SHMT1: variants seen among roughly 807,000 people sequenced by gnomAD.
SHMT1 encodes the protein serine hydroxymethyltransferase, cytosolic.
Under a neutral mutation model 49.0 loss-of-function variants are expected in SHMT1, and 45 were observed. That is an observed-to-expected ratio of 0.92 (90% confidence interval 0.72 to 1.18). SHMT1 has a LOEUF of 1.18. Among genes scored for constraint, SHMT1 ranks in the 50% most tolerant of loss-of-function variants. SHMT1 has a pLI of 0.00. For missense variants in SHMT1, 541 were observed against 612.4 expected (o/e 0.88, Z 1.23); for synonymous variants, 232 against 246.6 (o/e 0.94, Z 0.55).
Position 18,340,699 on chromosome 17 carries a change from G to A in SHMT1, c.601+33C>T, listed in dbSNP as rs2151579834. 2 of 1,584,150 alleles carry A rather than the reference G, an allele frequency of 1.3e-6. No individual in the cohort carries two copies. The highest frequency in any genetic ancestry group is 1.7e-4 in the Middle Eastern group (1 of 6,022). ...TTCTGTAAGAGGCACCAGGCTACTG[G>A]TGAACAAGGTGACTTTCCGCCCCGC... On this transcript the variant is annotated intron_variant, in intron 6 of 11. Coordinates refer to ENST00000316694, the MANE Select transcript of SHMT1 (RefSeq NM_004169.5). The surrounding 1 kb of genome is among the most constrained non-coding windows in gnomAD (Gnocchi z 4.5).
chr17:18,341,779 T>G (rs750543126), intron 5 of SHMT1: 1 of 152,284 alleles, frequency 6.6e-6, no homozygotes, highest in African/African-American at 2.4e-5. Flanking sequence ...TTGTGTATTT[T>G]GTGTCACAAA....
chr17:18,333,454 TTTTATTA>T lies in SHMT1; in HGVS notation c.932-173_932-167del, dbSNP rs918529718. 1.5e-4 allele frequency: 56 copies of T among 366,710 alleles called. 1 individual carries two copies. Among genetic ancestry groups the T allele is most frequent in the Non-Finnish European group, 2.1e-4 (48 of 223,768 alleles). 22.7% of individuals were successfully genotyped at this position (366,710 alleles called of 1,614,324 possible). ...CCAAAATGATATATTTTTAAAAATT[TTTTATTA>T]TTTATTATTTTTATTTTTTTTGAGA... On this transcript the variant is annotated intron_variant, in intron 8 of 11. Coordinates refer to ENST00000316694, the MANE Select transcript of SHMT1 (RefSeq NM_004169.5).
intron 7 of SHMT1, among the ~76,000 whole-genome samples, chr17:18,336,737 G>C (rs1477334498): frequency 6.6e-6 from 1 of 152,032 alleles, no homozygotes; most frequent in African/African-American, 2.4e-5. Flanking sequence ...TTGAACCCAG[G>C]AGTTCAAGAC....
chr17:18,334,447 C>G (rs577234821), intron 8 of SHMT1, among the ~76,000 whole-genome samples: 4 of 152,318 alleles, frequency 2.6e-5, no homozygotes, highest in Non-Finnish European at 4.4e-5. Flanking sequence ...CATGGAAGTT[C>G]TGTGCTAACA....
Position 18,329,328 on chromosome 17 carries a change from C to T in SHMT1, c.1232G>A (p.Arg411His), listed in dbSNP as rs1397919214. ...LRLGTPALTS[R>H]GLLEKDFQKV... ...TTGGAAGTCTTTTTCCAAAAGTCCA[C>T]GGGACGTCAGTGCTGGGGTCCCCAG... The change falls in exon 11 of 12, where the codon CGT becomes CAT. Residue 411 changes from arginine (R) to histidine (H), a missense_variant. By Grantham distance (29) the Arg-to-His change is conservative. Transcript: ENST00000316694. 9.9e-6 allele frequency: 16 copies of T among 1,612,998 alleles called. No homozygotes were observed. The highest frequency in any genetic ancestry group is 5.0e-5 in the Admixed American group (3 of 59,996).
At chr17:18,335,852 C>G (rs1269454994) in intron 7 of SHMT1, among the ~76,000 whole-genome samples, 177 bp from the exon 8 acceptor site, 1 of 152,148 alleles carries the variant, frequency 6.6e-6, no homozygotes. Context: ...TGAGGGCAGA[C>G]CAGTATCTTT....
intron 1 of SHMT1, 180 bp downstream of exon 1, chr17:18,363,191 TG>T (rs1046521746): frequency 6.6e-6 from 1 of 152,188 alleles, no homozygotes; most frequent in African/African-American, 2.4e-5. Flanking sequence ...GCGCTGCGGC[TG>T]GCCGCCGCCC....
At position 18,331,296 on chromosome 17, in the gene SHMT1, C is replaced by T. The variant is rs981755503; in HGVS notation, c.1055-625G>A. On this transcript the variant is annotated intron_variant, in intron 9 of 11. Transcript: ENST00000316694. ...GGGCCTCTGCTTCTGAGCTGTGTTG[C>T]GGGGATCCCTTTCAAGATGCGGGTG... is the stretch of plus-strand genomic sequence containing the variant. 4 of 166,930 alleles carry T rather than the reference C, an allele frequency of 2.4e-5. No individual in the cohort carries two copies. The South Asian group carries it at 4.6e-4, about 19-fold the overall frequency. The allele number at this position is 166,930 out of a possible 1,614,324, so 10.3% of individuals were successfully genotyped here. A position where few individuals can be genotyped will look rare whatever the true frequency, so the allele number is the denominator to read the frequency against.
intron 1 of SHMT1, among the ~76,000 whole-genome samples, chr17:18,358,327 T>C (rs1041101203): frequency 1.3e-5 from 2 of 150,664 alleles, no homozygotes; most frequent in Non-Finnish European, 3.0e-5. Context: ...CCATCTCTAC[T>C]AAAAATACAA....
chr17:18,351,284 G>T (rs1184979942), intron 3 of SHMT1, among the ~76,000 whole-genome samples: 1 of 151,964 alleles, frequency 6.6e-6, no homozygotes, highest in Non-Finnish European at 1.5e-5. Context: ...GGGACTACAG[G>T]CGCCAGCCAC....
intron 1 of SHMT1, chr17:18,362,973 C>T (rs999771442): frequency 6.6e-6 from 1 of 152,350 alleles, no homozygotes; most frequent in Non-Finnish European, 1.5e-5. Flanking sequence ...CTCAGGGCCC[C>T]ACCACCTTCC....
intron 2 of SHMT1, among the ~76,000 whole-genome samples, 190 bp downstream of exon 2, chr17:18,355,696 A>G (rs1266395181): frequency 6.6e-6 from 1 of 152,188 alleles, no homozygotes; most frequent in Non-Finnish European, 1.5e-5. Flanking sequence ...AGTGCTCCAC[A>G]CTTTGAAGAA....
intron 3 of SHMT1, among the ~76,000 whole-genome samples, chr17:18,352,146 C>T (rs1246957901): frequency 2.1e-5 from 2 of 93,728 alleles, no homozygotes; most frequent in Admixed American, 1.1e-4. Context: ...CACTCAGTCC[C>T]CTTCTTTTTT....
intron 5 of SHMT1, among the ~76,000 whole-genome samples, chr17:18,342,887 G>T (rs1984671645): frequency 6.6e-6 from 1 of 151,726 alleles, no homozygotes; most frequent in African/African-American, 2.4e-5. Context: ...AGTGAGTCAA[G>T]ATGGTGCCAC....
At chr17:18,353,062 T>G (rs1485659217) in intron 3 of SHMT1, among the ~76,000 whole-genome samples, 9 of 152,226 alleles carry the variant, frequency 5.9e-5, no homozygotes, top group Non-Finnish European at 1.0e-4. Flanking sequence ...TGGCAATTCC[T>G]TCTCCAAGGG....
rs1983566144 is a variant in SHMT1, at chr17:18,334,365, AG to A, written c.932-1078del. Among the ~76,000 whole-genome samples, 4 of 152,334 alleles carry A rather than the reference AG, an allele frequency of 2.6e-5. No individual in the cohort carries two copies. The South Asian group carries it at 8.3e-4, about 32-fold the overall frequency. On this transcript the variant is annotated intron_variant, in intron 8 of 11. Transcript: ENST00000316694. ...CAGCCTCCCAAAGTGCTGGGATTAT[AG>A]GCATGAGCCACCGCGCCCAGCTGAT...
At chr17:18,349,706 G>C (rs1267656777) in intron 3 of SHMT1, among the ~76,000 whole-genome samples, 1 of 151,502 alleles carries the variant, frequency 6.6e-6, no homozygotes, top group Non-Finnish European at 1.5e-5. Flanking sequence ...GCAACACAGT[G>C]AGACCCTAAC....
chr17:18,347,367 G>A (rs998521950), intron 5 of SHMT1, 129 bp downstream of exon 5: 3 of 1,117,906 alleles, frequency 2.7e-6, no homozygotes, highest in East Asian at 2.4e-5. Flanking sequence ...CCCGCTGCAA[G>A]GAAATTAAAA....
intron 5 of SHMT1, among the ~76,000 whole-genome samples, chr17:18,346,297 G>A (rs17806489): frequency 0.11 from 16,461 of 152,052 alleles, 995 homozygotes; most frequent in South Asian, 0.18. Context: ...AGATGGTTCC[G>A]GGACACTAGA....
Sources: gnomAD v4.1 joint callset for allele counts (sites outside exome capture counted in the v4.1 genomes callset) on GRCh38, gnomAD v4.1.1 for gene constraint, Gnocchi (gnomAD v3.1) non-coding constraint, MANE v1.5 for transcripts, NCBI Gene and HGNC (gene_info 2026-07-23, HGNC 2026-07-21) for gene names.